The following NAA16 variants were observed in gnomAD, a reference collection of about 807,000 sequenced individuals.
NAA16 encodes N-alpha-acetyltransferase 16, NatA auxiliary subunit, also known as NARG1-like protein.
Under a neutral mutation model 110.3 loss-of-function variants are expected in NAA16, and 97 were observed. That is an observed-to-expected ratio of 0.88 (90% confidence interval 0.75 to 1.04). The LOEUF (loss-of-function observed/expected upper bound fraction) is 1.04, where lower values mean the gene tolerates loss of function less well. NAA16 is among the 50% of genes least tolerant of loss of function. The pLI, the probability that NAA16 is intolerant of heterozygous loss-of-function variation, is 0.00. For missense variants in NAA16, 1,017 were observed against 1,005.1 expected (o/e 1.01, Z -0.16); for synonymous variants, 372 against 330.6 (o/e 1.13, Z -1.36).
rs1433648774 is a variant in NAA16 at position 41,311,273 on chromosome 13, C to A, written c.-256C>A. The A allele has an allele frequency of 5.4e-6, 3 of 554,772 alleles. No individual in the cohort carries two copies. The South Asian group carries it at 6.7e-5, about 12-fold the overall frequency. 34.4% of individuals were successfully genotyped at this position (554,772 alleles called of 1,614,324 possible). On this transcript the variant is annotated 5_prime_UTR_variant, in exon 1 of 20. Transcript: ENST00000379406. ...GGACCCTGGCTGCCATCTTGCAGTG[C>A]GCGGGAACCGCCGCCGCCGCCGCTG...
chr13:41,324,438 C>A (rs2042035032), intron 5 of NAA16, among the ~76,000 whole-genome samples: 1 of 136,906 alleles, frequency 7.3e-6, no homozygotes, highest in African/African-American at 2.8e-5. Flanking sequence ...TTCAGTGGTG[C>A]AATCTCGGCT....
intron 11 of NAA16, 36 bp from the exon 12 acceptor site, chr13:41,358,774 A>T: frequency 6.5e-7 from 1 of 1,539,010 alleles, no homozygotes; most frequent in East Asian, 2.3e-5. Flanking sequence ...TATTCTCTTG[A>T]TTATAAATTG....
In NAA16 at chr13:41,311,268, C is replaced by A. The variant is rs1292389139; in HGVS notation, c.-261C>A. 2 of 550,788 alleles carry A rather than the reference C, an allele frequency of 3.6e-6. No homozygotes were observed. 34.1% of individuals were successfully genotyped at this position (550,788 alleles called of 1,614,324 possible). ...GAGGCGGACCCTGGCTGCCATCTTGCAGTGCGCGGGAACCGCCGCCGCCGC... is the reference window on the plus strand; with the variant it reads ...GAGGCGGACCCTGGCTGCCATCTTGAAGTGCGCGGGAACCGCCGCCGCCGC... On this transcript the variant is annotated 5_prime_UTR_variant, in exon 1 of 20. Transcript: ENST00000379406.
At position 41,325,971 on chromosome 13, in the gene NAA16, T is replaced by C. The variant is rs902952008; in HGVS notation, c.691+120T>C. 4.3e-5 allele frequency: 30 copies of C among 704,050 alleles called. No individual in the cohort carries two copies. In the African/African-American group the frequency reaches 4.6e-4, roughly 11 times the overall value. The allele number at this position is 704,050 out of a possible 1,614,324, so 43.6% of individuals were successfully genotyped here. A position where few individuals can be genotyped will look rare whatever the true frequency, so the allele number is the denominator to read the frequency against. ...TATCTGGCAAGGTTCCAAACACGAT[T>C]ATTAAGCCATTATTAACTAGTTTAA... On this transcript the variant is annotated intron_variant, in intron 6 of 19. Transcript: ENST00000379406.
intron 6 of NAA16, among the ~76,000 whole-genome samples, chr13:41,326,736 A>G (rs2042102599): frequency 1.3e-5 from 2 of 152,146 alleles, no homozygotes; most frequent in Non-Finnish European, 2.9e-5. Flanking sequence ...AGACATTTTC[A>G]GGACAGTTTT....
rs116927852 is a variant in NAA16, at chr13:41,341,080, T to C, written c.1014+4324T>C. On this transcript the variant is annotated intron_variant, in intron 9 of 19. Coordinates refer to ENST00000379406, the MANE Select transcript of NAA16 (RefSeq NM_024561.5). ...CTGAAGAGTGCTTTACTTCCAGTTA[T>C]GCGGTCAATTTTAGAATAAGTGCGA... Among the ~76,000 whole-genome samples, 44 of 152,348 alleles carry C rather than the reference T, an allele frequency of 2.9e-4. 2 individuals are homozygous for C. The East Asian group carries it at 5.4e-3, about 19-fold the overall frequency.
Position 41,376,003 on chromosome 13 carries a change from A to T in NAA16, c.*401A>T, listed in dbSNP as rs762511368. Reference sequence around the variant, plus strand: ...AAAGTGTTAACTATATGTTAACAATATGGAGGCTGGGCGTGGTGGCTCACA... The same window carrying T: ...AAAGTGTTAACTATATGTTAACAATTTGGAGGCTGGGCGTGGTGGCTCACA... On this transcript the variant is annotated 3_prime_UTR_variant, in exon 20 of 20. Transcript: ENST00000379406. The T allele has an allele frequency of 6.5e-6, 1 of 154,396 alleles. No individual in the cohort carries two copies. Among genetic ancestry groups the T allele is most frequent in the African/African-American group, 2.4e-5 (1 of 41,474 alleles). The allele number at this position is 154,396 out of a possible 1,614,324, so 9.6% of individuals were successfully genotyped here.
In NAA16 at chr13:41,375,390, CT is replaced by C; in HGVS notation, c.2398-11del. On this transcript the variant is annotated splice_polypyrimidine_tract_variant and intron_variant, in intron 19 of 19. Transcript: ENST00000379406. ...TTATTTTTAAATAATTTGTGTTTTC[CT>C]TTTGTTTCACTAGACATTAATAAAG... is the stretch of plus-strand genomic sequence containing the variant. The C allele has an allele frequency of 1.3e-6, 2 of 1,581,778 alleles. No homozygotes were observed. The highest frequency in any genetic ancestry group is 1.7e-6 in the Non-Finnish European group (2 of 1,158,254).
chr13:41,331,593 C>G (rs923197821), intron 8 of NAA16, among the ~76,000 whole-genome samples: 9 of 151,754 alleles, frequency 5.9e-5, no homozygotes, highest in African/African-American at 2.2e-4. Flanking sequence ...AACTGCTTTT[C>G]TTAAGTTGAT....
At chr13:41,321,925 TATA>T (rs975820488) in intron 4 of NAA16, among the ~76,000 whole-genome samples, 47 of 152,338 alleles carry the variant, frequency 3.1e-4, no homozygotes, top group African/African-American at 1.1e-3. Context: ...CTGAACTTAC[TATA>T]ATAATAATGG....
chr13:41,362,573 G>A (rs1211563053), intron 13 of NAA16: 2 of 522,938 alleles, frequency 3.8e-6, no homozygotes, highest in Non-Finnish European at 3.1e-6. Context: ...CAGGATATTT[G>A]CTCTCACATT....
At chr13:41,364,698 A>G (rs1051819824) in intron 13 of NAA16, among the ~76,000 whole-genome samples, 13 of 152,206 alleles carry the variant, frequency 8.5e-5, no homozygotes, top group African/African-American at 3.1e-4. Flanking sequence ...GATAAGACCT[A>G]GGACTTCTGA....
At chr13:41,337,864 G>A (rs1014958735) in intron 9 of NAA16, among the ~76,000 whole-genome samples, 7 of 152,052 alleles carry the variant, frequency 4.6e-5, no homozygotes, top group Non-Finnish European at 1.0e-4. Flanking sequence ...ATAGCTGATT[G>A]GCATTTTCCT....
chr13:41,323,304 T>G, intron 5 of NAA16, 114 bp downstream of exon 5: 1 of 1,037,794 alleles, frequency 9.6e-7, no homozygotes. Context: ...ACGGGAAAAC[T>G]TTTTGACGTA....
At chr13:41,357,896 T>A (rs1478910853) in intron 10 of NAA16, among the ~76,000 whole-genome samples, 1 of 152,204 alleles carries the variant, frequency 6.6e-6, no homozygotes, top group South Asian at 2.1e-4. Flanking sequence ...TGGAAAATGG[T>A]AAGCCATGGC....
rs1285209533 is a variant in NAA16 at position 41,311,548 on chromosome 13, C to T, written c.20C>T (p.Pro7Leu). The change falls in exon 1 of 20, where the codon CCG becomes CTG. Residue 7 changes from proline (P) to leucine (L), a missense_variant. Physicochemically the swap from Pro to Leu is moderately conservative, Grantham distance 98. Coordinates refer to ENST00000379406, the MANE Select transcript of NAA16 (RefSeq NM_024561.5). Reference sequence around the variant, plus strand: ...GCCACGATGCCGAACGTGCTGCTGCCGCCCAAGGAGAGCAACCTCTTCAAA... The same window carrying T: ...GCCACGATGCCGAACGTGCTGCTGCTGCCCAAGGAGAGCAACCTCTTCAAA... MPNVLL[P>L]PKESNLFKRI... is the part of the protein sequence containing the mutation. 8 of 1,607,940 alleles carry T rather than the reference C, an allele frequency of 5.0e-6. No homozygotes were observed. The highest frequency in any genetic ancestry group is 6.8e-6 in the Non-Finnish European group (8 of 1,177,636).
chr13:41,331,425 A>G, intron 8 of NAA16, 56 bp downstream of exon 8: 1 of 1,264,694 alleles, frequency 7.9e-7, no homozygotes, highest in South Asian at 1.4e-5. Flanking sequence ...ACTCAATGTT[A>G]TTTATATTTT....
At chr13:41,339,428 C>T (rs1024424235) in intron 9 of NAA16, among the ~76,000 whole-genome samples, 3 of 151,768 alleles carry the variant, frequency 2.0e-5, no homozygotes, top group African/African-American at 4.8e-5. Flanking sequence ...CGTGAGCCAC[C>T]GCGCCTGGCC....
At chr13:41,361,969 A>T (rs1204732577) in intron 12 of NAA16, 62 bp from the exon 13 acceptor site, 1 of 1,572,574 alleles carries the variant, frequency 6.4e-7, no homozygotes, top group East Asian at 2.3e-5. Context: ...TGTAAAGAGG[A>T]AATGATTTTT....
Sources: gnomAD v4.1 joint callset for allele counts (sites outside exome capture counted in the v4.1 genomes callset) on GRCh38, gnomAD v4.1.1 for gene constraint, MANE v1.5 for transcripts, NCBI Gene and HGNC (gene_info 2026-07-23, HGNC 2026-07-21) for gene names.